CACNA1C: variants seen among roughly 807,000 people sequenced by gnomAD.
The protein encoded by CACNA1C is voltage-dependent L-type calcium channel subunit alpha-1C.
A neutral mutation model predicts 229.0 loss-of-function variants in CACNA1C; 30 were observed. That is an observed-to-expected ratio of 0.13 (90% confidence interval 0.10 to 0.18). The LOEUF is 0.18. Among genes scored for constraint, CACNA1C ranks in the 10% least tolerant of loss-of-function variants. The pLI, the probability that CACNA1C is intolerant of heterozygous loss-of-function variation, is 1.00. For synonymous variants in CACNA1C, 1,114 were observed against 1,132.5 expected, an observed-to-expected ratio of 0.98 and a Z score of 0.33; for missense variants, 1,658 against 2,845.0, an observed-to-expected ratio of 0.58 and a Z score of 9.49.
At chr12:2,271,715 C>G (rs2085072580) in intron 3 of CACNA1C, among the ~76,000 whole-genome samples, 2 of 151,496 alleles carry the variant, frequency 1.3e-5, no homozygotes, top group Non-Finnish European at 2.9e-5. Flanking sequence ...GCCTGGGAAA[C>G]ATAGTGAACC....
At chr12:2,314,801 A>G (rs1238403690) in intron 3 of CACNA1C, among the ~76,000 whole-genome samples, 1 of 152,088 alleles carries the variant, frequency 6.6e-6, no homozygotes, top group African/African-American at 2.4e-5. Flanking sequence ...TTAATGGAGA[A>G]CATATGCATG....
intron 34 of CACNA1C, among the ~76,000 whole-genome samples, chr12:2,663,353 C>T (rs1220355184): frequency 2.0e-5 from 3 of 152,174 alleles, no homozygotes; most frequent in African/African-American, 7.2e-5. Context: ...GGAAAGGGAA[C>T]ACTTTTACCC....
At chr12:2,458,984 T>TC (rs1433944423) in intron 5 of CACNA1C, among the ~76,000 whole-genome samples, 4 of 132,278 alleles carry the variant, frequency 3.0e-5, no homozygotes, top group South Asian at 4.8e-4. Flanking sequence ...TTTCTTTCTT[T>TC]TTTTTTTTTT....
Position 1,971,938 on chromosome 12 carries a change from T to C in CACNA1C, c.139+737T>C, listed in dbSNP as rs1031989302. Among the ~76,000 whole-genome samples the C allele has an allele frequency of 6.6e-6, 1 of 152,238 alleles. No homozygotes were observed. The highest frequency in any genetic ancestry group is 1.9e-4 in the East Asian group (1 of 5,206). On this transcript the variant is annotated intron_variant, in intron 1 of 46. Coordinates refer to the CACNA1C transcript ENST00000682462. The surrounding 1 kb of genome is among the most constrained non-coding windows in gnomAD (Gnocchi z 4.2). Reference sequence around the variant, plus strand: ...GGACATGTGATAATGTTTGTGTAAATTTTTAAAAGAAGATATATATCCATT... The same window carrying C: ...GGACATGTGATAATGTTTGTGTAAACTTTTAAAAGAAGATATATATCCATT...
chr12:2,192,400 CCTT>C (rs547761602), intron 3 of CACNA1C, among the ~76,000 whole-genome samples: 64 of 152,282 alleles, frequency 4.2e-4, no homozygotes, highest in Non-Finnish European at 7.6e-4. Flanking sequence ...CAGCTCCAAG[CCTT>C]CTTCTGCGCG....
chr12:2,583,947 C>A (rs1330629113), intron 15 of CACNA1C, among the ~76,000 whole-genome samples: 1 of 152,186 alleles, frequency 6.6e-6, no homozygotes, highest in Non-Finnish European at 1.5e-5. Context: ...GTTCTCTGAC[C>A]CACAGTGTTT....
intron 1 of CACNA1C, among the ~76,000 whole-genome samples, chr12:2,006,078 TCA>T (rs2043364876): frequency 6.6e-6 from 1 of 152,214 alleles, no homozygotes; most frequent in African/African-American, 2.4e-5. Flanking sequence ...TGGGTATAAC[TCA>T]CATAAACAAA....
At chr12:2,377,379 G>A (rs1053595733) in intron 3 of CACNA1C, among the ~76,000 whole-genome samples, 3 of 152,042 alleles carry the variant, frequency 2.0e-5, no homozygotes, top group Admixed American at 2.0e-4. Flanking sequence ...CAAACATGGC[G>A]AACACCACAT....
chr12:2,052,647 G>C (rs1231780486), upstream of CACNA1C, among the ~76,000 whole-genome samples: 2 of 144,642 alleles, frequency 1.4e-5, no homozygotes, highest in Non-Finnish European at 3.1e-5. Flanking sequence ...TGGCGCCCGG[G>C]TGCGCCGCGC....
intron 3 of CACNA1C, among the ~76,000 whole-genome samples, chr12:2,183,700 C>T (rs1020363988): frequency 5.3e-5 from 8 of 152,236 alleles, no homozygotes; most frequent in Non-Finnish European, 8.8e-5. Context: ...GCGAAAGGCC[C>T]CAGGGCCAGC....
rs527384068 is a variant in CACNA1C, at chr12:2,629,070, G to T, written c.3829-5227G>T. ...TATGCAAGACATAGGACTGGTGCTTGTATGGATAATAATCAGATTATGATT... is the reference window on the plus strand; with the variant it reads ...TATGCAAGACATAGGACTGGTGCTTTTATGGATAATAATCAGATTATGATT... On this transcript the variant is annotated intron_variant, in intron 29 of 46. Coordinates refer to ENST00000399655, the MANE Select transcript of CACNA1C (RefSeq NM_000719.7). Among the ~76,000 whole-genome samples the T allele has an allele frequency of 2.4e-4, 37 of 152,230 alleles. No individual in the cohort carries two copies. In the South Asian group the frequency reaches 7.3e-3, roughly 30 times the overall value.
In CACNA1C at chr12:2,651,762, C is replaced by G; in HGVS notation, c.4068C>G (p.Ser1356=). The change falls in exon 32 of 47, where the codon TCC becomes TCG. Residue 1356 remains serine, a synonymous_variant. Transcript: ENST00000399655. This position sits in a 1 kb window ranked among gnomAD's most constrained non-coding sequence, Gnocchi z 5.4. ...CGCTGCTGTGGACCTTCATCAAGTC[C>G]TTCCAGGTAGCCGCCCCTCATGTCC... ...IRTLLWTFIK[S]FQALPYVALL... is the part of the protein sequence containing the mutation. 6.2e-7 allele frequency: 1 copy of G among 1,605,434 alleles called. No homozygotes were observed.
intron 10 of CACNA1C, among the ~76,000 whole-genome samples, chr12:2,551,063 A>G (rs1208441548): frequency 2.0e-5 from 3 of 152,238 alleles, no homozygotes; most frequent in African/African-American, 7.2e-5. Context: ...AATCATACAA[A>G]ACAAGCACTT....
chr12:2,234,484 T>C (rs1377046799), intron 3 of CACNA1C, among the ~76,000 whole-genome samples: 1 of 152,174 alleles, frequency 6.6e-6, no homozygotes, highest in Non-Finnish European at 1.5e-5. Context: ...TGAGCATCTG[T>C]TCGTCAGGTG....
intron 3 of CACNA1C, among the ~76,000 whole-genome samples, chr12:2,383,537 C>G (rs1227087016): frequency 7.2e-5 from 11 of 152,136 alleles, no homozygotes; most frequent in Admixed American, 5.2e-4. Flanking sequence ...AGCCTGAATT[C>G]CCAGACAGAG....
At chr12:2,089,716 C>T (rs1193232836) in intron 1 of CACNA1C, among the ~76,000 whole-genome samples, 3 of 152,316 alleles carry the variant, frequency 2.0e-5, no homozygotes, top group African/African-American at 7.2e-5. Flanking sequence ...TTGTGGAACA[C>T]ATCTCCAGAA....
intron 3 of CACNA1C, among the ~76,000 whole-genome samples, chr12:2,278,033 A>G (rs895022766): frequency 6.6e-6 from 1 of 152,240 alleles, no homozygotes; most frequent in African/African-American, 2.4e-5. Flanking sequence ...TCAAGCCTGC[A>G]GTGAGGGCCA....
intron 27 of CACNA1C, among the ~76,000 whole-genome samples, chr12:2,609,567 C>T (rs989102420): frequency 2.7e-5 from 4 of 148,632 alleles, no homozygotes; most frequent in African/African-American, 7.5e-5. Context: ...GATTAGACCC[C>T]GATCTAGTAT....
chr12:2,030,295 C>T (rs1280595478), intron 1 of CACNA1C, among the ~76,000 whole-genome samples: 5 of 152,210 alleles, frequency 3.3e-5, no homozygotes, highest in African/African-American at 1.2e-4. Context: ...TGAGGAATCT[C>T]TGGCATCCTT....
Sources: gnomAD v4.1 joint callset for allele counts (sites outside exome capture counted in the v4.1 genomes callset) on GRCh38, gnomAD v4.1.1 for gene constraint, Gnocchi (gnomAD v3.1) non-coding constraint, MANE v1.5 for transcripts, NCBI Gene and HGNC (gene_info 2026-07-23, HGNC 2026-07-21) for gene names.